PRUNE2: variants seen among roughly 807,000 people sequenced by gnomAD.
The protein encoded by PRUNE2 is prune homolog 2 with BCH domain, also known as protein prune homolog 2.
PRUNE2 carries 164 observed loss-of-function variants against 252.0 expected under a neutral mutation model. The ratio of observed to expected loss-of-function variants is 0.65; its 90% CI spans 0.57 to 0.74. The LOEUF is 0.74. Ranked by LOEUF, PRUNE2 falls within the 30% of genes least tolerant of loss-of-function variation. The pLI is 0.00. For synonymous variants in PRUNE2, 1,292 were observed against 1,350.2 expected (o/e 0.96, Z 0.94); for missense variants, 3,495 against 3,711.0 (o/e 0.94, Z 1.51).
chr9:76,803,081 T>C (rs1041003202), intron 6 of PRUNE2, among the ~76,000 whole-genome samples: 1 of 152,166 alleles, frequency 6.6e-6, no homozygotes. Flanking sequence ...TCTGACAGCC[T>C]CAGATAGTCA....
Position 76,703,951 on chromosome 9 carries a change from G to A in PRUNE2, c.7662C>T (p.Asn2554=), listed in dbSNP as rs1047409961. ...GCTTTGAGTGTGAATTTTCTTCACG[G>A]TTTACAAGTATGTAATCCATGTGTA... ...HALHMDYILV[N]REENSHSKPE... The change falls in exon 9 of 19, where the codon AAC becomes AAT. Residue 2554 remains asparagine, a synonymous_variant. Coordinates refer to ENST00000376718, the MANE Select transcript of PRUNE2 (RefSeq NM_015225.3). 5.0e-6 allele frequency: 8 copies of A among 1,613,820 alleles called. No homozygotes were observed. The highest frequency in any genetic ancestry group is 6.8e-6 in the Non-Finnish European group (8 of 1,179,864).
rs199782532 is a variant in PRUNE2, at chr9:76,708,663, T to C, written c.3611A>G (p.His1204Arg). ...EHTKDSAPSE[H>R]HTLNEKSGQL... ...CCCACTTTTCTCATTCAATGTGTGA[T>C]GTTCACTGGGAGCACTGTCCTTGGT... is the stretch of plus-strand genomic sequence containing the variant. Residue 1204 changes from histidine (H) to arginine (R), a missense_variant, in exon 8 of 19, where the codon CAT becomes CGT. His to Arg is a conservative substitution (Grantham distance 29, BLOSUM62 0). Transcript: ENST00000376718. 1.5e-5 allele frequency: 25 copies of C among 1,614,000 alleles called. No homozygotes were observed. In the Admixed American group the frequency reaches 3.2e-4, roughly 20 times the overall value.
intron 1 of PRUNE2, 117 bp downstream of exon 1, chr9:76,905,811 C>T (rs1013004313): frequency 4.5e-6 from 6 of 1,334,448 alleles, no homozygotes; most frequent in Non-Finnish European, 5.4e-6. Flanking sequence ...ACCCGCACAC[C>T]CTGATAACTC....
chr9:76,900,442 C>A (rs951067119), intron 1 of PRUNE2, among the ~76,000 whole-genome samples: 7 of 152,130 alleles, frequency 4.6e-5, no homozygotes, highest in Non-Finnish European at 2.9e-5. Context: ...TCCAAAGCCA[C>A]AGGGCTCAGA....
intron 6 of PRUNE2, among the ~76,000 whole-genome samples, chr9:76,724,222 G>C (rs1402157306): frequency 6.7e-6 from 1 of 148,960 alleles, no homozygotes; most frequent in Non-Finnish European, 1.5e-5. Context: ...ACTTTGGGAG[G>C]CTGAGGCGGG....
chr9:76,728,014 G>A (rs2048269968), intron 6 of PRUNE2, among the ~76,000 whole-genome samples: 7 of 152,058 alleles, frequency 4.6e-5, no homozygotes, highest in Non-Finnish European at 7.4e-5. Context: ...CCCGACGCCT[G>A]GCCTTAAACA....
intron 6 of PRUNE2, among the ~76,000 whole-genome samples, chr9:76,803,192 T>C (rs2056682691): frequency 1.3e-5 from 2 of 152,200 alleles, no homozygotes; most frequent in Admixed American, 1.3e-4. Context: ...TGTTGTGATA[T>C]CATGGTCTCA....
chr9:76,660,627 C>T (rs1160430814), intron 9 of PRUNE2, among the ~76,000 whole-genome samples: 2 of 151,692 alleles, frequency 1.3e-5, no homozygotes, highest in African/African-American at 4.8e-5. Context: ...ACTAAAAATA[C>T]AAAAATTAGC....
intron 1 of PRUNE2, among the ~76,000 whole-genome samples, chr9:76,897,539 A>G (rs879316626): frequency 1.1e-4 from 16 of 151,196 alleles, no homozygotes; most frequent in Admixed American, 2.6e-4. Flanking sequence ...TCAGCCTCCC[A>G]AGTAGCTGGG....
At chr9:76,658,820 G>C (rs1850192337) in intron 9 of PRUNE2, among the ~76,000 whole-genome samples, 1 of 152,202 alleles carries the variant, frequency 6.6e-6, no homozygotes. Flanking sequence ...ATGGTACTGT[G>C]ACATTAACAC....
chr9:76,684,666 TC>T (rs1330603727), intron 9 of PRUNE2, among the ~76,000 whole-genome samples: 1 of 152,212 alleles, frequency 6.6e-6, no homozygotes, highest in East Asian at 1.9e-4. Context: ...CCTTAGCCTT[TC>T]ACACCAGTTT....
rs1401378843 is a variant in PRUNE2 at position 76,706,559 on chromosome 9, C to T, written c.5715G>A (p.Glu1905=). 10 of 1,613,914 alleles carry T rather than the reference C, an allele frequency of 6.2e-6. No individual in the cohort carries two copies. Among genetic ancestry groups the T allele is most frequent in the Non-Finnish European group, 8.5e-6 (10 of 1,179,858 alleles). The change falls in exon 8 of 19, where the codon GAG becomes GAA. Residue 1905 remains glutamate, a synonymous_variant. Coordinates refer to ENST00000376718, the MANE Select transcript of PRUNE2 (RefSeq NM_015225.3). ...GCCTTGGTTGAATGTTCCAGAGTTG[C>T]TCATGGGAGTTCTTCCCATTACCTT... The part of the protein sequence containing the change: ...FLEGNGKNSH[E]QLWNIQPRQP...
At chr9:76,868,083 A>G (rs1392085497) in intron 1 of PRUNE2, among the ~76,000 whole-genome samples, 1 of 152,152 alleles carries the variant, frequency 6.6e-6, no homozygotes, top group Non-Finnish European at 1.5e-5. Flanking sequence ...AGACAGGAAA[A>G]AGAAACCCAC....
chr9:76,840,329 C>G (rs1020934867), intron 4 of PRUNE2, among the ~76,000 whole-genome samples: 2 of 152,142 alleles, frequency 1.3e-5, no homozygotes, highest in African/African-American at 4.8e-5. Flanking sequence ...GAGCCATACA[C>G]AGGGCCTTCT....
chr9:76,837,866 G>A (rs1019502841), intron 4 of PRUNE2, among the ~76,000 whole-genome samples: 6 of 151,264 alleles, frequency 4.0e-5, no homozygotes, highest in African/African-American at 1.2e-4. Context: ...CTGCCTCCTG[G>A]GTTCACGCCA....
At chr9:76,713,491 C>T in intron 7 of PRUNE2, 72 bp downstream of exon 7, 1 of 1,355,572 alleles carries the variant, frequency 7.4e-7, no homozygotes, top group Non-Finnish European at 1.0e-6. Context: ...TCTGTTCTGT[C>T]TTGCACTGTG....
chr9:76,831,768 G>A (rs1417202953), intron 4 of PRUNE2, among the ~76,000 whole-genome samples: 1 of 152,156 alleles, frequency 6.6e-6, no homozygotes, highest in African/African-American at 2.4e-5. Context: ...TAAACCAGAT[G>A]TAACAGCAAT....
intron 15 of PRUNE2, among the ~76,000 whole-genome samples, chr9:76,630,762 G>A (rs2132377777): frequency 6.6e-6 from 1 of 152,312 alleles, no homozygotes; most frequent in African/African-American, 2.4e-5. Context: ...TCCTGACCTT[G>A]TGATCTGCCC....
chr9:76,734,738 C>A (rs1370199151), intron 6 of PRUNE2, among the ~76,000 whole-genome samples: 1 of 152,200 alleles, frequency 6.6e-6, no homozygotes, highest in African/African-American at 2.4e-5. Flanking sequence ...AACCTGAGCT[C>A]TAGGTGTGGC....
Sources: allele counts gnomAD v4.1 joint callset (sites outside exome capture counted in the v4.1 genomes callset), GRCh38; gene constraint gnomAD v4.1.1; transcripts MANE v1.5; gene names NCBI Gene and HGNC (gene_info 2026-07-23, HGNC 2026-07-21).